MAGT1: variants seen among roughly 807,000 people sequenced by gnomAD.
The protein encoded by MAGT1 is dolichyl-diphosphooligosaccharide--protein glycosyltransferase subunit MAGT1.
Under a neutral mutation model 28.4 loss-of-function variants are expected in MAGT1, and 4 were observed. That is an observed-to-expected ratio of 0.14 (90% CI 0.07 to 0.32). The LOEUF (loss-of-function observed/expected upper bound fraction) is 0.32, where lower values mean the gene tolerates loss of function less well. Ranked by LOEUF, MAGT1 falls within the 10% of genes least tolerant of loss-of-function variation. The pLI, the probability that MAGT1 is intolerant of heterozygous loss-of-function variation, is 1.00. For synonymous variants in MAGT1, 89 were observed against 89.7 expected (o/e 0.99, Z 0.04); for missense variants, 193 against 264.5 (o/e 0.73, Z 1.88).
At chrX:77,880,155 A>G (rs2077047538) in intron 1 of MAGT1, among the ~76,000 whole-genome samples, 1 of 108,796 alleles carries the variant, frequency 9.2e-6, no homozygotes, top group Non-Finnish European at 1.9e-5. Flanking sequence ...GCCTTTAAGC[A>G]TACCTGAATT....
At chrX:77,869,796 T>C (rs1247558513) in intron 3 of MAGT1, among the ~76,000 whole-genome samples, 1 of 110,873 alleles carries the variant, frequency 9.0e-6, no homozygotes, top group Non-Finnish European at 1.9e-5. Context: ...TTAACACTGC[T>C]GGTGGGAATG....
intron 1 of MAGT1, among the ~76,000 whole-genome samples, chrX:77,876,202 T>C (rs1557217835): frequency 1.2e-5 from 1 of 84,999 alleles, no homozygotes. Context: ...GACGGGGGTT[T>C]TACTATGTTG....
At chrX:77,895,254 C>G in intron 1 of MAGT1, 55 bp downstream of exon 1, 1 of 1,171,767 alleles carries the variant, frequency 8.5e-7, no homozygotes, top group Non-Finnish European at 1.2e-6. Flanking sequence ...CGAACAGACC[C>G]TCTTAAGCCC....
intron 2 of MAGT1, among the ~76,000 whole-genome samples, chrX:77,872,540 A>T (rs149406456): frequency 9.0e-6 from 1 of 111,557 alleles, no homozygotes; most frequent in South Asian, 3.7e-4. Context: ...CTACTAATCA[A>T]TCTCAAACAG....
intron 7 of MAGT1, among the ~76,000 whole-genome samples, chrX:77,847,068 C>T (rs868995084): frequency 1.4e-4 from 16 of 112,185 alleles, no homozygotes; most frequent in Admixed American, 8.5e-4. Flanking sequence ...CCTTGAGCTG[C>T]GGTGGGCTCC....
chrX:77,843,541 C>G (rs1293319978), intron 7 of MAGT1, among the ~76,000 whole-genome samples: 2 of 111,758 alleles, frequency 1.8e-5, no homozygotes, highest in Admixed American at 9.6e-5. Context: ...TGTGCCCCAT[C>G]TTGCATTCTT....
At chrX:77,884,366 G>C (rs782598986) in intron 1 of MAGT1, among the ~76,000 whole-genome samples, 3 of 111,757 alleles carry the variant, frequency 2.7e-5, no homozygotes, top group Admixed American at 9.6e-5. Flanking sequence ...TGTCTAGCGG[G>C]TGTCAGGCAG....
chrX:77,886,960 C>G (rs1482390940), intron 1 of MAGT1, among the ~76,000 whole-genome samples: 1 of 112,078 alleles, frequency 8.9e-6, no homozygotes, highest in Non-Finnish European at 1.9e-5. Context: ...CCTCCTGGAA[C>G]GGTTGAAGAA....
At chrX:77,877,024 A>C (rs2077037230) in intron 1 of MAGT1, among the ~76,000 whole-genome samples, 1 of 108,048 alleles carries the variant, frequency 9.3e-6, no homozygotes, top group African/African-American at 3.4e-5. Context: ...AAAAAAAAAA[A>C]AAAAAAAAAA....
intron 3 of MAGT1, among the ~76,000 whole-genome samples, chrX:77,861,122 T>C (rs1243198644): frequency 9.2e-6 from 1 of 108,230 alleles, no homozygotes; most frequent in South Asian, 4.0e-4. Context: ...GAGGTTGTGG[T>C]GAGCCGAGAT....
intron 3 of MAGT1, among the ~76,000 whole-genome samples, chrX:77,863,179 A>G (rs2076999122): frequency 9.1e-6 from 1 of 109,703 alleles, no homozygotes; most frequent in Non-Finnish European, 1.9e-5. Flanking sequence ...GGGAACTCAT[A>G]CACTGTTGGT....
At position 77,837,844 on chromosome X, in the gene MAGT1, G is replaced by C. The variant is rs781964073; in HGVS notation, c.901+3402C>G. Among the ~76,000 whole-genome samples, 6 of 111,448 alleles carry C rather than the reference G, an allele frequency of 5.4e-5. No individual in the cohort carries two copies. The South Asian group carries it at 2.3e-3, about 42-fold the overall frequency. Reference sequence around the variant, plus strand: ...TGCAACTTCCGCCTCCTGGGTTCAAGTGATTCTCATGCCTCAAACTCCCAA... The same window carrying C: ...TGCAACTTCCGCCTCCTGGGTTCAACTGATTCTCATGCCTCAAACTCCCAA... On this transcript the variant is annotated intron_variant, in intron 8 of 9. Transcript: ENST00000618282.
In MAGT1 at chrX:77,867,026, C is replaced by T. The variant is rs939786366; in HGVS notation, c.390+3782G>A. ...CACTCCTGGCTCACTGGCTTCCCCC[C>T]ACCCACGAAGCTATCCTTAAAAACT... is the stretch of plus-strand genomic sequence containing the variant. On this transcript the variant is annotated intron_variant, in intron 3 of 9. Coordinates refer to ENST00000618282, the MANE Select transcript of MAGT1 (RefSeq NM_001367916.1). Among the ~76,000 whole-genome samples, 12 of 66,075 alleles carry T rather than the reference C, an allele frequency of 1.8e-4. 1 individual carries two copies. The highest frequency in any genetic ancestry group is 4.2e-4 in the African/African-American group (12 of 28,453). 57.4% of individuals were successfully genotyped at this position (66,075 alleles called of 115,157 possible).
chrX:77,862,580 A>C (rs1216290295), intron 3 of MAGT1, among the ~76,000 whole-genome samples: 1 of 112,176 alleles, frequency 8.9e-6, no homozygotes, highest in African/African-American at 3.2e-5. Context: ...TCCCATTAAA[A>C]AGTGGACAAA....
At chrX:77,875,032 T>A in intron 2 of MAGT1, among the ~76,000 whole-genome samples, 1 of 109,146 alleles carries the variant, frequency 9.2e-6, no homozygotes. Context: ...TTTTTGTATT[T>A]TTTTTTTTTT....
chrX:77,859,995 A>T (rs1202616038), intron 3 of MAGT1, among the ~76,000 whole-genome samples: 30 of 112,457 alleles, frequency 2.7e-4, no homozygotes, highest in African/African-American at 9.7e-4. Context: ...TGATGGGTGA[A>T]GACTGTACTT....
intron 8 of MAGT1, among the ~76,000 whole-genome samples, chrX:77,839,457 C>A (rs1468921762): frequency 1.9e-5 from 2 of 104,666 alleles, no homozygotes; most frequent in Non-Finnish European, 3.9e-5. Flanking sequence ...GATTCTCCTG[C>A]CTCAGCCTCT....
At chrX:77,888,808 G>A (rs782134714) in intron 1 of MAGT1, among the ~76,000 whole-genome samples, 1 of 110,919 alleles carries the variant, frequency 9.0e-6, no homozygotes, top group African/African-American at 3.3e-5. Flanking sequence ...TACACAGTAG[G>A]TATATATATT....
At chrX:77,856,657 T>C in intron 5 of MAGT1, 76 bp downstream of exon 5, 1 of 983,376 alleles carries the variant, frequency 1.0e-6, no homozygotes, top group Non-Finnish European at 1.4e-6. Flanking sequence ...ACTTCTCACA[T>C]AAATAAAAGC....
Sources: gnomAD v4.1 joint callset for allele counts (sites outside exome capture counted in the v4.1 genomes callset) on GRCh38, gnomAD v4.1.1 for gene constraint, MANE v1.5 for transcripts, NCBI Gene and HGNC (gene_info 2026-07-23, HGNC 2026-07-21) for gene names.